The following RNF19A variants were observed in gnomAD, a reference collection of about 807,000 sequenced individuals.
The protein encoded by RNF19A is ring finger protein 19A, RBR E3 ubiquitin protein ligase.
RNF19A carries 32 observed loss-of-function variants against 75.7 expected under a neutral mutation model. The observed-to-expected ratio is 0.42, with a 90% CI of 0.32 to 0.57. RNF19A has a LOEUF of 0.57. Among genes scored for constraint, RNF19A ranks in the 20% least tolerant of loss-of-function variants. The pLI, the probability that RNF19A is intolerant of heterozygous loss-of-function variation, is 0.10. For missense variants in RNF19A, 782 were observed against 1,036.3 expected (o/e 0.75, Z 3.37); for synonymous variants, 335 against 345.2 (o/e 0.97, Z 0.33).
At position 100,317,727 on chromosome 8, in the gene RNF19A, G is replaced by A. The variant is rs1478788519; in HGVS notation, c.-242-4355C>T. On this transcript the variant is annotated intron_variant, in intron 1 of 3. Coordinates refer to the RNF19A transcript ENST00000519527. This position sits in a 1 kb window ranked among gnomAD's most constrained non-coding sequence, Gnocchi z 4.3. Reference sequence around the variant, plus strand: ...GTTTGACAGGATGAGGTTGGCTCACGAGGTCTAGAGTGGCAGGATGCACTG... The same window carrying A: ...GTTTGACAGGATGAGGTTGGCTCACAAGGTCTAGAGTGGCAGGATGCACTG... Among the ~76,000 whole-genome samples, 2 of 152,312 alleles carry A rather than the reference G, an allele frequency of 1.3e-5. No homozygotes were observed. Among genetic ancestry groups the A allele is most frequent in the African/African-American group, 2.4e-5 (1 of 41,560 alleles).
intron 2 of RNF19A, among the ~76,000 whole-genome samples, chr8:100,277,365 G>A (rs1338753006): frequency 6.6e-6 from 1 of 152,026 alleles, no homozygotes; most frequent in Non-Finnish European, 1.5e-5. Context: ...AGGTTAGAGT[G>A]CAGTGGCGCG....
At chr8:100,316,917 C>G (rs1269766685) in intron 1 of RNF19A, among the ~76,000 whole-genome samples, 1 of 152,234 alleles carries the variant, frequency 6.6e-6, no homozygotes, top group Non-Finnish European at 1.5e-5. Context: ...GAGCCCTGCC[C>G]CGCGGGAAGG....
chr8:100,335,581 A>G (rs1386031122), intron 1 of RNF19A, among the ~76,000 whole-genome samples: 2 of 152,262 alleles, frequency 1.3e-5, no homozygotes, highest in African/African-American at 4.8e-5. Flanking sequence ...TCCAAAGTCT[A>G]CTGTACACAT....
Position 100,260,037 on chromosome 8 carries a change from A to G in RNF19A, c.1683-40T>C. The G allele has an allele frequency of 6.4e-7, 1 of 1,551,864 alleles. No individual in the cohort carries two copies. Among genetic ancestry groups the G allele is most frequent in the Non-Finnish European group, 8.9e-7 (1 of 1,124,224 alleles). On this transcript the variant is annotated intron_variant, in intron 8 of 9. Coordinates refer to ENST00000341084, the MANE Select transcript of RNF19A (RefSeq NM_183419.4). The surrounding 1 kb of genome is among the most constrained non-coding windows in gnomAD (Gnocchi z 4.1). ...TGAAATCACCAAAATTATATTTAAT[A>G]TCAGCACTACTGTAATATGTATCTT...
chr8:100,281,776 A>G (rs894209771), intron 2 of RNF19A, among the ~76,000 whole-genome samples: 2 of 152,244 alleles, frequency 1.3e-5, no homozygotes, highest in African/African-American at 2.4e-5. Flanking sequence ...AAGAACAGAA[A>G]GAAAATATAA....
Position 100,322,615 on chromosome 8 carries a change from G to C in RNF19A, c.-242-9243C>G, listed in dbSNP as rs1421996508. Among the ~76,000 whole-genome samples, 1 of 152,232 alleles carries C rather than the reference G, an allele frequency of 6.6e-6. No homozygotes were observed. Among genetic ancestry groups the C allele is most frequent in the Non-Finnish European group, 1.5e-5 (1 of 68,052 alleles). On this transcript the variant is annotated intron_variant, in intron 1 of 3. Transcript: ENST00000519527. This position sits in a 1 kb window ranked among gnomAD's most constrained non-coding sequence, Gnocchi z 5.1. ...TACAACTTGGCTAACTGGCATAAGA[G>C]GCCTAGCTTTCAGCCTATCTCAGCT...
intron 1 of RNF19A, among the ~76,000 whole-genome samples, chr8:100,335,480 G>T (rs886149852): frequency 6.6e-6 from 1 of 151,968 alleles, no homozygotes; most frequent in African/African-American, 2.4e-5. Context: ...AGATTGAATT[G>T]AGAAAAAAAG....
At position 100,332,712 on chromosome 8, in the gene RNF19A, C is replaced by A. The variant is rs919254867; in HGVS notation, c.-243+3396G>T. Among the ~76,000 whole-genome samples, 2 of 152,182 alleles carry A rather than the reference C, an allele frequency of 1.3e-5. No homozygotes were observed. The highest frequency in any genetic ancestry group is 2.4e-5 in the African/African-American group (1 of 41,446). On this transcript the variant is annotated intron_variant, in intron 1 of 3. Coordinates refer to the RNF19A transcript ENST00000519527. The surrounding 1 kb of genome is among the most constrained non-coding windows in gnomAD (Gnocchi z 4.8). ...TTGCAAATTTGTTAAAATGTTATCTCATTTTCATTTTAACTTGCACACTTA... is the reference window on the plus strand; with the variant it reads ...TTGCAAATTTGTTAAAATGTTATCTAATTTTCATTTTAACTTGCACACTTA...
chr8:100,310,327 C>T, upstream of RNF19A: 1 of 817,606 alleles, frequency 1.2e-6, no homozygotes, highest in Non-Finnish European at 1.5e-6. Flanking sequence ...CTGCGGCCCC[C>T]ACGCCTGTCC....
Position 100,269,010 on chromosome 8 carries a change from C to G in RNF19A, c.1029-63G>C, listed in dbSNP as rs7014862. The G allele has an allele frequency of 7.3e-5, 96 of 1,314,624 alleles. No homozygotes were observed. In the African/African-American group the frequency reaches 1.3e-3, roughly 18 times the overall value. 81.4% of individuals were successfully genotyped at this position (1,314,624 alleles called of 1,614,324 possible). A position where few individuals can be genotyped will look rare whatever the true frequency, so the allele number is the denominator to read the frequency against. ...AACACCACAATAACAAATTAGTGCA[C>G]TATATTAAAACAATGACTATTTTTA... On this transcript the variant is annotated intron_variant, in intron 4 of 9. Transcript: ENST00000341084. The surrounding 1 kb of genome is among the most constrained non-coding windows in gnomAD (Gnocchi z 5.7).
rs1461521205 is a variant in RNF19A, at chr8:100,308,338, T to C, written c.-94+1529A>G. ...CTAACAAATTTTAAAAGTGTTTTTT[T>C]AGCATAATTTGGTTTATTAAGTCCC... On this transcript the variant is annotated intron_variant, in intron 1 of 9. Transcript: ENST00000341084. 2.0e-5 allele frequency among the ~76,000 whole-genome samples: 3 copies of C among 152,228 alleles called. No individual in the cohort carries two copies. In the East Asian group the frequency reaches 5.8e-4, roughly 29 times the overall value.
In RNF19A at chr8:100,330,261, C is replaced by G. The variant is rs1822593298; in HGVS notation, c.-243+5847G>C. 6.6e-6 allele frequency among the ~76,000 whole-genome samples: 1 copy of G among 152,174 alleles called. No homozygotes were observed. Among genetic ancestry groups the G allele is most frequent in the South Asian group, 2.1e-4 (1 of 4,820 alleles). ...AGGAAGGGAACAACTGTCGTTTGAT[C>G]TTGTTTTTGACCATAGTGGACTGTT... On this transcript the variant is annotated intron_variant, in intron 1 of 3. Coordinates refer to the RNF19A transcript ENST00000519527. The surrounding 1 kb of genome is among the most constrained non-coding windows in gnomAD (Gnocchi z 4.1).
chr8:100,266,295 T>C (rs1009979836), intron 5 of RNF19A, among the ~76,000 whole-genome samples: 1 of 152,170 alleles, frequency 6.6e-6, no homozygotes, highest in African/African-American at 2.4e-5. Context: ...TACAACCCTT[T>C]GGGTACATGT....
At chr8:100,277,243 C>T (rs1012397591) in intron 2 of RNF19A, among the ~76,000 whole-genome samples, 1 of 152,172 alleles carries the variant, frequency 6.6e-6, no homozygotes, top group Non-Finnish European at 1.5e-5. Flanking sequence ...TTAAGATACT[C>T]TATAAAATTG....
rs547458390 is a variant in RNF19A at position 100,259,255 on chromosome 8, T to C, written c.1827-9A>G. 1.6e-5 allele frequency: 26 copies of C among 1,592,922 alleles called. No individual in the cohort carries two copies. The South Asian group carries it at 2.6e-4, about 16-fold the overall frequency. The stretch of plus-strand genomic sequence containing the variant: ...CCATACTGTTGCCTTCTCTGAAATA[T>C]AAGAGTAACAAATACAAACATAATT... On this transcript the variant is annotated splice_polypyrimidine_tract_variant and intron_variant, in intron 9 of 9. Coordinates refer to ENST00000341084, the MANE Select transcript of RNF19A (RefSeq NM_183419.4). This position sits in a 1 kb window ranked among gnomAD's most constrained non-coding sequence, Gnocchi z 4.5.
At chr8:100,265,064 G>A (rs932952214) in intron 5 of RNF19A, among the ~76,000 whole-genome samples, 2 of 152,146 alleles carry the variant, frequency 1.3e-5, no homozygotes, top group Non-Finnish European at 2.9e-5. Context: ...CAAAAGTAGT[G>A]TAATTATGTA....
intron 1 of RNF19A, among the ~76,000 whole-genome samples, chr8:100,299,380 A>G (rs762214358): frequency 1.3e-5 from 2 of 152,240 alleles, no homozygotes; most frequent in Non-Finnish European, 2.9e-5. Flanking sequence ...AAGTATTAGT[A>G]TACTCTTCTT....
intron 1 of RNF19A, among the ~76,000 whole-genome samples, chr8:100,308,929 T>A (rs1217329316): frequency 6.6e-6 from 1 of 152,196 alleles, no homozygotes; most frequent in Admixed American, 6.5e-5. Context: ...TGTATTTATA[T>A]CTCCAAGGGT....
chr8:100,299,689 G>A (rs1821732754), intron 1 of RNF19A, among the ~76,000 whole-genome samples: 2 of 152,122 alleles, frequency 1.3e-5, no homozygotes, highest in African/African-American at 2.4e-5. Flanking sequence ...AACCCAGGAG[G>A]TGGAGGTTGA....
Sources: gnomAD v4.1 joint callset for allele counts (sites outside exome capture counted in the v4.1 genomes callset) on GRCh38, gnomAD v4.1.1 for gene constraint, Gnocchi (gnomAD v3.1) non-coding constraint, MANE v1.5 for transcripts, NCBI Gene and HGNC (gene_info 2026-07-23, HGNC 2026-07-21) for gene names.